The following ARAP2 variants were observed in gnomAD, a reference collection of about 807,000 sequenced individuals.
ARAP2 encodes ArfGAP with RhoGAP domain, ankyrin repeat and PH domain 2.
Under a neutral mutation model 194.5 loss-of-function variants are expected in ARAP2, and 148 were observed. The observed-to-expected ratio is 0.76, with a 90% confidence interval of 0.67 to 0.87. The LOEUF is 0.87. Ranked by LOEUF, ARAP2 falls within the 40% of genes least tolerant of loss-of-function variation. The pLI, the probability that ARAP2 is intolerant of heterozygous loss-of-function variation, is 0.00. For missense variants in ARAP2, 2,128 were observed against 1,989.7 expected (o/e 1.07, Z -1.32); for synonymous variants, 695 against 683.5 (o/e 1.02, Z -0.26).
At chr4:36,070,122 T>C (rs1430810703) in intron 32 of ARAP2, among the ~76,000 whole-genome samples, 3 of 152,148 alleles carry the variant, frequency 2.0e-5, no homozygotes, top group Non-Finnish European at 1.5e-5. Context: ...CATTTCTTTA[T>C]AGCAATGAGG....
At chr4:36,173,301 T>C (rs1461665687) in intron 9 of ARAP2, among the ~76,000 whole-genome samples, 1 of 152,190 alleles carries the variant, frequency 6.6e-6, no homozygotes, top group African/African-American at 2.4e-5. Context: ...ATACCACTTA[T>C]TTAAGAATTC....
intron 3 of ARAP2, among the ~76,000 whole-genome samples, chr4:36,051,399 C>T (rs1363630547): frequency 2.0e-5 from 3 of 152,108 alleles, no homozygotes; most frequent in Non-Finnish European, 4.4e-5. Flanking sequence ...ATCGCTTGAA[C>T]CCGGGAGGCA....
chr4:36,068,817 T>C (rs2109301315), intron 32 of ARAP2, among the ~76,000 whole-genome samples: 1 of 152,370 alleles, frequency 6.6e-6, no homozygotes, highest in East Asian at 1.9e-4. Flanking sequence ...TTTTATTTTA[T>C]GTATGTTCAC....
At chr4:36,064,745 G>C (rs144281609), downstream of ARAP2, among the ~76,000 whole-genome samples, 1,171 of 152,326 alleles carry the variant, frequency 7.7e-3, 18 homozygotes, top group South Asian at 8.1e-3. Flanking sequence ...CATGGACCCA[G>C]GTAGATGCAG....
At chr4:36,011,851 CA>C (rs1488798218) in intron 9 of ARAP2, among the ~76,000 whole-genome samples, 1 of 151,966 alleles carries the variant, frequency 6.6e-6, no homozygotes, top group East Asian at 1.9e-4. Flanking sequence ...GCTGTCTTCA[CA>C]GGGAAAAAGA....
At position 36,187,491 on chromosome 4, in the gene ARAP2, A is replaced by T; in HGVS notation, c.1638T>A (p.Val546=). The change falls in exon 8 of 33, where the codon GTT becomes GTA. Residue 546 remains valine, a synonymous_variant. Coordinates refer to ENST00000303965, the MANE Select transcript of ARAP2 (RefSeq NM_015230.4). ...TAAAAACAAAAGTTCTTTGTGTTGT[A>T]ACAACTTCAAATTTGTTGTCTCCTT... ...RVQGDNKFEV[V]TTQRTFVFRV... The T allele has an allele frequency of 4.6e-6, 7 of 1,525,978 alleles. No individual in the cohort carries two copies. Among genetic ancestry groups the T allele is most frequent in the Non-Finnish European group, 5.3e-6 (6 of 1,126,614 alleles). The allele number at this position is 1,525,978 out of a possible 1,614,324, so 94.5% of individuals were successfully genotyped here. A position where few individuals can be genotyped will look rare whatever the true frequency, so the allele number is the denominator to read the frequency against.
At chr4:36,177,285 GATGT>G (rs1013808110) in intron 9 of ARAP2, among the ~76,000 whole-genome samples, 3 of 152,062 alleles carry the variant, frequency 2.0e-5, no homozygotes, top group South Asian at 4.1e-4. Flanking sequence ...TGTATAGCTA[GATGT>G]ATGTATGTAT....
intron 9 of ARAP2, among the ~76,000 whole-genome samples, chr4:36,172,530 G>C (rs947818333): frequency 6.6e-6 from 1 of 151,692 alleles, no homozygotes; most frequent in African/African-American, 2.4e-5. Flanking sequence ...TTAAACATTC[G>C]GATAAAATTA....
chr4:36,083,005 T>G (rs1271172417), intron 29 of ARAP2, among the ~76,000 whole-genome samples: 1 of 152,132 alleles, frequency 6.6e-6, no homozygotes, highest in Non-Finnish European at 1.5e-5. Flanking sequence ...TTTGCTTTCC[T>G]GTGTTGTAGA....
intron 19 of ARAP2, among the ~76,000 whole-genome samples, chr4:36,142,979 A>G (rs1470079133): frequency 6.6e-6 from 1 of 151,666 alleles, no homozygotes; most frequent in African/African-American, 2.4e-5. Flanking sequence ...TCTTAAACTC[A>G]TTATCTCCCA....
intron 5 of ARAP2, among the ~76,000 whole-genome samples, chr4:36,027,010 C>T (rs1361484206): frequency 6.6e-6 from 1 of 152,198 alleles, no homozygotes; most frequent in African/African-American, 2.4e-5. Flanking sequence ...TCTTGCTTTG[C>T]CTGTATGATC....
intron 8 of ARAP2, among the ~76,000 whole-genome samples, chr4:36,014,319 A>AAGAG (rs1715301161): frequency 8.2e-5 from 9 of 109,726 alleles, no homozygotes; most frequent in African/African-American, 3.5e-4. Context: ...GGAAAGAAAG[A>AAGAG]AAGAGAGAAA....
chr4:36,052,739 C>T (rs982206024), intron 2 of ARAP2, among the ~76,000 whole-genome samples: 8 of 151,958 alleles, frequency 5.3e-5, no homozygotes, highest in African/African-American at 1.4e-4. Context: ...CCGAGGCGGG[C>T]GGATCACGAG....
chr4:36,201,269 T>C (rs1020955744), intron 6 of ARAP2, among the ~76,000 whole-genome samples: 1 of 152,228 alleles, frequency 6.6e-6, no homozygotes, highest in Non-Finnish European at 1.5e-5. Flanking sequence ...AGAACATATC[T>C]GGGAGTGTCT....
chr4:36,053,337 T>C (rs1723007006), intron 2 of ARAP2, among the ~76,000 whole-genome samples: 1 of 152,076 alleles, frequency 6.6e-6, no homozygotes, highest in Admixed American at 6.5e-5. Flanking sequence ...AAAAAAAATT[T>C]ACATGAAATG....
chr4:36,092,670 G>A (rs1258124433), intron 27 of ARAP2, among the ~76,000 whole-genome samples: 2 of 152,100 alleles, frequency 1.3e-5, no homozygotes, highest in Non-Finnish European at 2.9e-5. Flanking sequence ...ATATTGAAAT[G>A]TATTTTGGAT....
chr4:36,095,312 C>A (rs916903578), intron 27 of ARAP2, among the ~76,000 whole-genome samples: 4 of 152,120 alleles, frequency 2.6e-5, no homozygotes, highest in African/African-American at 9.7e-5. Context: ...TTATTTTTAG[C>A]ATGTTCTAAA....
At chr4:36,101,684 T>C (rs1440478052) in intron 27 of ARAP2, among the ~76,000 whole-genome samples, 1 of 152,012 alleles carries the variant, frequency 6.6e-6, no homozygotes, top group Non-Finnish European at 1.5e-5. Flanking sequence ...CTTTGCAAAG[T>C]AGGGAAGACA....
chr4:36,054,701 A>T (rs1723209835), intron 2 of ARAP2, among the ~76,000 whole-genome samples: 2 of 152,208 alleles, frequency 1.3e-5, no homozygotes, highest in South Asian at 4.1e-4. Flanking sequence ...AATACACAAA[A>T]TAACATTAAA....
Sources: gnomAD v4.1 joint callset for allele counts (sites outside exome capture counted in the v4.1 genomes callset) on GRCh38, gnomAD v4.1.1 for gene constraint, MANE v1.5 for transcripts, NCBI Gene and HGNC (gene_info 2026-07-23, HGNC 2026-07-21) for gene names.